AOPEP: variants seen among roughly 807,000 people sequenced by gnomAD.
AOPEP encodes the protein aminopeptidase O (putative), also known as aminopeptidase O.
Under a neutral mutation model 98.1 loss-of-function variants are expected in AOPEP, and 77 were observed. That is an observed-to-expected ratio of 0.78 (90% CI 0.65 to 0.95). The LOEUF is 0.95. Ranked by LOEUF, AOPEP falls within the 40% of genes least tolerant of loss-of-function variation. The pLI is 0.00. For missense variants in AOPEP, 1,024 were observed against 1,024.7 expected (o/e 1.00, Z 0.01); for synonymous variants, 346 against 365.3 (o/e 0.95, Z 0.60).
At chr9:95,149,937 G>A in the AOPEP span, 135 of 1,605,808 alleles carry the variant, frequency 8.4e-5, no homozygotes, top group African/African-American at 1.5e-3. Context: ...AAATGGCCTC[G>A]TTTACAGCCT....
intron 3 of AOPEP, 140 bp downstream of exon 3, chr9:94,773,308 A>G (rs1293196357): frequency 2.9e-6 from 2 of 701,642 alleles, no homozygotes; most frequent in Middle Eastern, 4.5e-4. Flanking sequence ...ACATCCTGCC[A>G]GGGAAAACAA....
chr9:94,961,119 A>G (rs2058809752), intron 9 of AOPEP, among the ~76,000 whole-genome samples: 1 of 151,650 alleles, frequency 6.6e-6, no homozygotes, highest in Non-Finnish European at 1.5e-5. Flanking sequence ...AAAACTTTTT[A>G]GACATGGCTC....
chr9:94,981,393 C>G (rs777610825), intron 11 of AOPEP, among the ~76,000 whole-genome samples: 1 of 152,170 alleles, frequency 6.6e-6, no homozygotes, highest in Non-Finnish European at 1.5e-5. Flanking sequence ...GCAATGAGGC[C>G]AACCGGCTAT....
chr9:95,081,206 G>A (rs377189977), intron 15 of AOPEP, among the ~76,000 whole-genome samples: 35 of 152,336 alleles, frequency 2.3e-4, no homozygotes, highest in East Asian at 5.8e-4. Context: ...TGTGCTAGGC[G>A]GGTTTCCTTC....
In AOPEP at chr9:94,800,111, A is replaced by C. The variant is rs1313302573; in HGVS notation, c.1119-646A>C. ...TTTCCTTAAAAGGCTGGCTCAGTTA[A>C]ATTTGTTCTGAAAGTGGGTTGGGAA... On this transcript the variant is annotated intron_variant, in intron 4 of 16. Coordinates refer to ENST00000375315, the MANE Select transcript of AOPEP (RefSeq NM_001193329.3). Among the ~76,000 whole-genome samples, 4 of 152,268 alleles carry C rather than the reference A, an allele frequency of 2.6e-5. No individual in the cohort carries two copies. The East Asian group carries it at 7.7e-4, about 29-fold the overall frequency.
At chr9:95,084,198 ATTC>A (rs1321847379) in intron 16 of AOPEP, among the ~76,000 whole-genome samples, 1 of 152,328 alleles carries the variant, frequency 6.6e-6, no homozygotes, top group Non-Finnish European at 1.5e-5. Flanking sequence ...TGGTGTTGAT[ATTC>A]TTCACTCAGT....
intron 5 of AOPEP, among the ~76,000 whole-genome samples, chr9:94,862,624 C>T (rs1050227473): frequency 2.0e-5 from 3 of 152,228 alleles, no homozygotes; most frequent in Non-Finnish European, 4.4e-5. Flanking sequence ...GCAAGGCCCA[C>T]CTTAAGGGCC....
At chr9:94,758,900 C>A (rs1837632939) in intron 1 of AOPEP, among the ~76,000 whole-genome samples, 1 of 147,392 alleles carries the variant, frequency 6.8e-6, no homozygotes, top group African/African-American at 2.5e-5. Context: ...TTCTCTCCTT[C>A]CTTTTATAGG....
At chr9:94,837,689 G>A (rs1177745992) in intron 5 of AOPEP, among the ~76,000 whole-genome samples, 1 of 152,148 alleles carries the variant, frequency 6.6e-6, no homozygotes, top group Non-Finnish European at 1.5e-5. Flanking sequence ...TGCAGAATAA[G>A]CATTTGACAA....
intron 14 of AOPEP, among the ~76,000 whole-genome samples, chr9:95,078,185 CT>C (rs1184891246): frequency 6.6e-6 from 1 of 152,138 alleles, no homozygotes; most frequent in Non-Finnish European, 1.5e-5. Flanking sequence ...GAAATACTGA[CT>C]TCAGATCCGT....
At chr9:95,036,999 T>G (rs185856277) in intron 13 of AOPEP, among the ~76,000 whole-genome samples, 1 of 152,338 alleles carries the variant, frequency 6.6e-6, no homozygotes. Context: ...AGTGGTAACA[T>G]CTCTGTGTAC....
chr9:95,025,164 T>A (rs899853302), intron 13 of AOPEP, among the ~76,000 whole-genome samples: 2 of 152,238 alleles, frequency 1.3e-5, no homozygotes, highest in Non-Finnish European at 2.9e-5. Flanking sequence ...GCTCACCTGC[T>A]GCACCTGGTG....
the AOPEP span, among the ~76,000 whole-genome samples, chr9:95,104,580 A>G: frequency 6.6e-6 from 1 of 152,160 alleles, no homozygotes; most frequent in African/African-American, 2.4e-5. Flanking sequence ...CTCTGGGCCC[A>G]GTCTTGAGGG....
At chr9:95,037,203 T>TA (rs1286103588) in intron 13 of AOPEP, among the ~76,000 whole-genome samples, 8 of 152,194 alleles carry the variant, frequency 5.3e-5, no homozygotes, top group Non-Finnish European at 1.0e-4. Flanking sequence ...ATTTTTTTTT[T>TA]ACCTCACCTT....
intron 1 of AOPEP, among the ~76,000 whole-genome samples, chr9:94,749,617 G>A (rs1344558954): frequency 6.6e-6 from 1 of 152,006 alleles, no homozygotes; most frequent in Non-Finnish European, 1.5e-5. Flanking sequence ...CTATTTTCTG[G>A]TTCACTGTCT....
intron 1 of AOPEP, among the ~76,000 whole-genome samples, chr9:94,743,223 A>AGAAGAG (rs1554695899): frequency 0.011 from 693 of 64,630 alleles, 3 homozygotes; most frequent in Middle Eastern, 0.053. Flanking sequence ...AAGAAGAGGA[A>AGAAGAG]GAAGAAGAGG....
intron 13 of AOPEP, among the ~76,000 whole-genome samples, chr9:95,015,309 CTA>C (rs2062883591): frequency 6.6e-6 from 1 of 152,162 alleles, no homozygotes; most frequent in African/African-American, 2.4e-5. Context: ...AAAAATTCAT[CTA>C]TGTTTTGCAA....
chr9:94,743,731 G>T (rs1361683268), intron 1 of AOPEP, among the ~76,000 whole-genome samples: 1 of 152,144 alleles, frequency 6.6e-6, no homozygotes, highest in African/African-American at 2.4e-5. Context: ...AGTGGACCCG[G>T]GGGTGAGGAC....
chr9:94,834,637 C>A (rs373686290), intron 5 of AOPEP, among the ~76,000 whole-genome samples: 207 of 151,978 alleles, frequency 1.4e-3, no homozygotes, highest in East Asian at 8.5e-3. Context: ...TACTAAAAAT[C>A]AAAAAATTAG....
Sources: gnomAD v4.1 joint callset for allele counts (sites outside exome capture counted in the v4.1 genomes callset) on GRCh38, gnomAD v4.1.1 for gene constraint, MANE v1.5 for transcripts, NCBI Gene and HGNC (gene_info 2026-07-23, HGNC 2026-07-21) for gene names.